OCA2: variants seen among roughly 807,000 people sequenced by gnomAD.
OCA2 encodes the protein OCA2 melanosomal transmembrane protein.
A neutral mutation model predicts 100.2 loss-of-function variants in OCA2; 77 were observed. The ratio of observed to expected loss-of-function variants is 0.77; its 90% confidence interval spans 0.64 to 0.93. The LOEUF (loss-of-function observed/expected upper bound fraction) is 0.93. Ranked by LOEUF, OCA2 falls within the 40% of genes least tolerant of loss-of-function variation. The pLI is 0.00. For missense variants in OCA2, 1,062 were observed against 1,089.1 expected (o/e 0.98, Z 0.35); for synonymous variants, 432 against 439.2 (o/e 0.98, Z 0.21).
intron 2 of OCA2, among the ~76,000 whole-genome samples, chr15:28,069,460 G>C (rs865815641): frequency 9.1e-6 from 1 of 109,612 alleles, no homozygotes; most frequent in Non-Finnish European, 1.7e-5. Context: ...CCTCTCATGC[G>C]GGGCCGAAGC....
chr15:27,851,538 G>T, intron 21 of OCA2, 63 bp from the exon 22 acceptor site: 1 of 1,287,276 alleles, frequency 7.8e-7, no homozygotes, highest in Non-Finnish European at 1.1e-6. Context: ...GCCATACTGT[G>T]ACCAATTTAG....
At chr15:27,873,543 TG>T (rs144468408) in intron 19 of OCA2, among the ~76,000 whole-genome samples, 2,043 of 152,352 alleles carry the variant, frequency 0.013, 46 homozygotes, top group African/African-American at 0.047. Context: ...TAAAATGTTC[TG>T]CCAAATACCA....
chr15:27,965,416 C>T (rs2040532935), intron 15 of OCA2, among the ~76,000 whole-genome samples: 1 of 152,176 alleles, frequency 6.6e-6, no homozygotes, highest in Non-Finnish European at 1.5e-5. Context: ...CTTGTTTTGA[C>T]AGATGAATCC....
intron 2 of OCA2, among the ~76,000 whole-genome samples, chr15:28,070,014 C>T (rs2044177301): frequency 1.8e-5 from 2 of 112,264 alleles, no homozygotes; most frequent in East Asian, 5.0e-4. Context: ...TCTGCCCGGC[C>T]ACCCATCGTC....
intron 19 of OCA2, among the ~76,000 whole-genome samples, chr15:27,883,771 G>A (rs2037118416): frequency 6.6e-6 from 1 of 152,152 alleles, no homozygotes; most frequent in South Asian, 2.1e-4. Context: ...CCTTTTATTG[G>A]ATGCCCTGCA....
At chr15:27,968,515 A>G (rs566666621) in intron 14 of OCA2, among the ~76,000 whole-genome samples, 2 of 152,262 alleles carry the variant, frequency 1.3e-5, no homozygotes, top group African/African-American at 2.4e-5. Flanking sequence ...TGAGTGATTT[A>G]AACTATATTA....
chr15:28,083,250 C>A (rs2044709116), intron 1 of OCA2, among the ~76,000 whole-genome samples: 1 of 152,192 alleles, frequency 6.6e-6, no homozygotes, highest in Non-Finnish European at 1.5e-5. Context: ...CTGAGTAAGC[C>A]AAGCACTGAC....
In OCA2 at chr15:27,913,891, G is replaced by GAAAGAAAGAAAGAA. The variant is rs1567098419; in HGVS notation, c.2079+12235_2079+12236insTTCTTTCTTTCTTT. Among the ~76,000 whole-genome samples the GAAAGAAAGAAAGAA allele has an allele frequency of 3.3e-4, 14 of 42,090 alleles. 1 individual carries two copies. Among genetic ancestry groups the GAAAGAAAGAAAGAA allele is most frequent in the South Asian group, 1.8e-3 (2 of 1,134 alleles). The allele number at this position is 42,090 out of a possible 152,430, so 27.6% of individuals were successfully genotyped here. ...AGAAAGAAAGAAAGAAAGAAAGAAA[G>GAAAGAAAGAAAGAA]AAAGCAAGCAAGCAAGCAAGCAAGC... On this transcript the variant is annotated intron_variant, in intron 19 of 23. Transcript: ENST00000354638.
intron 23 of OCA2, among the ~76,000 whole-genome samples, chr15:27,816,572 G>A (rs1313230380): frequency 6.6e-6 from 1 of 152,084 alleles, no homozygotes; most frequent in Non-Finnish European, 1.5e-5. Flanking sequence ...AAACAATAAA[G>A]CTGCGTGACT....
chr15:27,823,714 A>T (rs886772253), intron 23 of OCA2, among the ~76,000 whole-genome samples: 2 of 152,202 alleles, frequency 1.3e-5, no homozygotes, highest in Middle Eastern at 3.2e-3. Flanking sequence ...TCCCTCCCCG[A>T]AAAAACTCTA....
chr15:27,954,251 A>G (rs1176133944), intron 17 of OCA2, among the ~76,000 whole-genome samples: 1 of 152,100 alleles, frequency 6.6e-6, no homozygotes, highest in Non-Finnish European at 1.5e-5. Flanking sequence ...GTCCTCGTCC[A>G]GGTGTACAGA....
At chr15:27,722,724 C>T in the OCA2 span, among the ~76,000 whole-genome samples, 1 of 142,792 alleles carries the variant, frequency 7.0e-6, no homozygotes, top group African/African-American at 2.7e-5. Context: ...TTCTCTCTTT[C>T]TTCTTTCTTT....
chr15:27,987,655 G>C (rs1035249764), intron 11 of OCA2, among the ~76,000 whole-genome samples: 15 of 152,010 alleles, frequency 9.9e-5, no homozygotes, highest in Non-Finnish European at 2.2e-4. Flanking sequence ...CATGAACCCA[G>C]GACGGGGAGC....
At chr15:27,799,564 G>A (rs756005794) in intron 23 of OCA2, among the ~76,000 whole-genome samples, 6 of 152,002 alleles carry the variant, frequency 3.9e-5, no homozygotes, top group South Asian at 2.1e-4. Flanking sequence ...GGCCAACATC[G>A]TGAAATCCCA....
intron 19 of OCA2, among the ~76,000 whole-genome samples, chr15:27,913,834 GAAA>G (rs1567097505): frequency 3.6e-5 from 2 of 56,014 alleles, no homozygotes; most frequent in African/African-American, 6.7e-5. Context: ...AAGAAAGAAA[GAAA>G]GGAAAGAAAG....
chr15:27,797,573 G>A (rs975192341), intron 23 of OCA2, among the ~76,000 whole-genome samples: 1 of 152,076 alleles, frequency 6.6e-6, no homozygotes, highest in African/African-American at 2.4e-5. Flanking sequence ...TTGTGGCAGG[G>A]GTCTCACAGA....
intron 18 of OCA2, among the ~76,000 whole-genome samples, chr15:27,942,858 C>T (rs1818226133): frequency 6.6e-6 from 1 of 151,982 alleles, no homozygotes; most frequent in Non-Finnish European, 1.5e-5. Context: ...TATTATATTG[C>T]ATTATATTAT....
intron 23 of OCA2, among the ~76,000 whole-genome samples, chr15:27,798,962 A>G (rs1349127381): frequency 6.6e-6 from 1 of 152,234 alleles, no homozygotes; most frequent in East Asian, 1.9e-4. Context: ...ATGGGCTGTT[A>G]CATAAAGAGA....
At position 27,951,799 on chromosome 15, in the gene OCA2, T is replaced by A; in HGVS notation, c.1936A>T (p.Ile646Phe). ...MFFLNSFVPG[I>F]HLDLGWIAIL... The stretch of plus-strand genomic sequence containing the variant: ...TTAGACTCACCAAGATCAAGATGAA[T>A]GCCAGGGACAAACGAATTGAGGAAA... The change falls in exon 18 of 24, where the codon ATT becomes TTT. Residue 646 changes from isoleucine to phenylalanine, a missense_variant. Ile to Phe is a conservative substitution (Grantham distance 21). Coordinates refer to ENST00000354638, the MANE Select transcript of OCA2 (RefSeq NM_000275.3). 6.2e-7 allele frequency: 1 copy of A among 1,610,838 alleles called. No homozygotes were observed. The highest frequency in any genetic ancestry group is 8.5e-7 in the Non-Finnish European group (1 of 1,176,992).
Sources: gnomAD v4.1 joint callset for allele counts (sites outside exome capture counted in the v4.1 genomes callset) on GRCh38, gnomAD v4.1.1 for gene constraint, MANE v1.5 for transcripts, NCBI Gene and HGNC (gene_info 2026-07-23, HGNC 2026-07-21) for gene names.